Variants in ZNF713 observed in about 807,000 individuals in gnomAD.
ZNF713 encodes zinc finger protein 713.
A neutral mutation model predicts 28.7 loss-of-function variants in ZNF713; 21 were observed. The ratio of observed to expected loss-of-function variants is 0.73; its 90% CI spans 0.52 to 1.05. The LOEUF is 1.05. Among genes scored for constraint, ZNF713 ranks in the 50% least tolerant of loss-of-function variants. ZNF713 has a pLI of 0.00. For synonymous variants in ZNF713, 167 were observed against 178.0 expected, an observed-to-expected ratio of 0.94 and a Z score of 0.49; for missense variants, 458 against 532.4, an observed-to-expected ratio of 0.86 and a Z score of 1.37.
In ZNF713 at chr7:55,909,811, C is replaced by T. The variant is rs1481926161; in HGVS notation, c.-455-1805C>T. On this transcript the variant is annotated intron_variant, in intron 2 of 6. Coordinates refer to ENST00000429591, the MANE Select transcript of ZNF713 (RefSeq NM_182633.3). ...GTGTGGCTATTGTAAATGGGATTGC[C>T]TTTTGTAAATGGGAATGCTATTGTA... is the stretch of plus-strand genomic sequence containing the variant. 2.6e-5 allele frequency among the ~76,000 whole-genome samples: 4 copies of T among 151,916 alleles called. No individual in the cohort carries two copies. The South Asian group carries it at 8.3e-4, about 32-fold the overall frequency.
At position 55,887,874 on chromosome 7, in the gene ZNF713, CGGCGGCGGCGGCG is replaced by C. The variant is rs1785302325; in HGVS notation, c.-583+209_-583+221del. Among the ~76,000 whole-genome samples, 8 of 7,852 alleles carry C rather than the reference CGGCGGCGGCGGCG, an allele frequency of 1.0e-3. 2 individuals carry two copies. Among genetic ancestry groups the C allele is most frequent in the African/African-American group, 9.0e-3 (8 of 884 alleles). 5.2% of individuals were successfully genotyped at this position (7,852 alleles called of 152,430 possible). On this transcript the variant is annotated intron_variant, in intron 1 of 6. Coordinates refer to ENST00000429591, the MANE Select transcript of ZNF713 (RefSeq NM_182633.3). ...GGCGGCGGGCGGCGGGCGGCGGCGG[CGGCGGCGGCGGCG>C]GGCGGCGGCGGCGGCGGGAGGCGGC...
intron 1 of ZNF713, among the ~76,000 whole-genome samples, chr7:55,893,428 A>C (rs1785423247): frequency 6.6e-6 from 1 of 152,032 alleles, no homozygotes; most frequent in African/African-American, 2.4e-5. Flanking sequence ...GGGTAAGACC[A>C]CTCTAGAATG....
intron 2 of ZNF713, among the ~76,000 whole-genome samples, chr7:55,910,496 G>T (rs1434667985): frequency 6.6e-6 from 1 of 151,668 alleles, no homozygotes; most frequent in African/African-American, 2.4e-5. Flanking sequence ...GGGTTTTTTG[G>T]TTTTGTTTTT....
intron 6 of ZNF713, among the ~76,000 whole-genome samples, chr7:55,926,143 C>T (rs1786090604): frequency 1.3e-5 from 2 of 152,110 alleles, no homozygotes; most frequent in South Asian, 4.1e-4. Flanking sequence ...AACCCCATCT[C>T]TACTAAAAAT....
chr7:55,924,983 A>G (rs921361678), intron 6 of ZNF713: 36 of 152,212 alleles, frequency 2.4e-4, no homozygotes, highest in African/African-American at 8.2e-4. Context: ...TCTTCTTTAA[A>G]GCATTCCCTT....
chr7:55,890,443 CTGTCTCCAAAAAAAAAAA>C (rs1785361153), intron 1 of ZNF713, among the ~76,000 whole-genome samples: 1 of 97,388 alleles, frequency 1.0e-5, no homozygotes, highest in Non-Finnish European at 2.0e-5. Context: ...GAGCGAGACT[CTGTCTCCAAAAAAAAAAA>C]AAAAAAATGA....
At chr7:55,909,958 T>C (rs1562740255) in intron 2 of ZNF713, among the ~76,000 whole-genome samples, 1 of 151,402 alleles carries the variant, frequency 6.6e-6, no homozygotes, top group Non-Finnish European at 1.5e-5. Context: ...TATGTGTGTG[T>C]ATATATACGT....
At chr7:55,894,856 C>T (rs1484411834) in intron 1 of ZNF713, among the ~76,000 whole-genome samples, 2 of 151,978 alleles carry the variant, frequency 1.3e-5, no homozygotes, top group Non-Finnish European at 2.9e-5. Context: ...GTGAGATCTA[C>T]AATATTGTCA....
At chr7:55,900,246 G>T (rs2116184092) in intron 1 of ZNF713, among the ~76,000 whole-genome samples, 1 of 152,222 alleles carries the variant, frequency 6.6e-6, no homozygotes. Flanking sequence ...GAGGCAGGCG[G>T]ATCACGAGGT....
chr7:55,917,931 T>C, intron 4 of ZNF713: 1 of 418,348 alleles, frequency 2.4e-6, no homozygotes, highest in East Asian at 7.2e-5. Flanking sequence ...AAACAGACAC[T>C]CTTACACTGC....
intron 1 of ZNF713, among the ~76,000 whole-genome samples, chr7:55,904,784 T>G (rs544570835): frequency 2.0e-5 from 3 of 152,254 alleles, no homozygotes; most frequent in Non-Finnish European, 4.4e-5. Flanking sequence ...TGGAGTGCAG[T>G]GGCTTGATCT....
intron 6 of ZNF713, among the ~76,000 whole-genome samples, chr7:55,930,625 G>GGTGC (rs1786191902): frequency 6.6e-6 from 1 of 152,104 alleles, no homozygotes; most frequent in Admixed American, 6.6e-5. Context: ...TAAGCGTGGT[G>GGTGC]GTGCACACCT....
intron 6 of ZNF713, 54 bp from the exon 7 acceptor site, chr7:55,938,928 C>A: frequency 6.7e-7 from 1 of 1,492,734 alleles, no homozygotes; most frequent in Non-Finnish European, 9.0e-7. Context: ...TTTTTCAAAT[C>A]ATAGATAACA....
Position 55,939,278 on chromosome 7 carries a change from T to C in ZNF713, c.604T>C (p.Ser202Pro). The C allele has an allele frequency of 6.2e-7, 1 of 1,614,130 alleles. No homozygotes were observed. The highest frequency in any genetic ancestry group is 8.5e-7 in the Non-Finnish European group (1 of 1,180,014). The change falls in exon 7 of 7, where the codon TCC (serine) becomes CCC (proline). Residue 202 changes from serine (S) to proline (P), a missense_variant. Transcript: ENST00000429591. ...AAACCTTATGCAGCAGAGAATTCCT[T>C]CCATTAAAATACCCCTGAATTCTGA... Reference protein sequence around the residue: ...NSNLMQQRIPSIKIPLNSDTQ... With the variant: ...NSNLMQQRIPPIKIPLNSDTQ...
intron 4 of ZNF713, among the ~76,000 whole-genome samples, chr7:55,912,982 G>A (rs112003817): frequency 0.044 from 6,630 of 152,140 alleles, 168 homozygotes; most frequent in South Asian, 0.063. Context: ...ACAAAACAAT[G>A]GACTGTCTTT....
rs1411242967 is a variant in ZNF713, at chr7:55,942,099, A to T, written c.*2093A>T. On this transcript the variant is annotated 3_prime_UTR_variant, in exon 7 of 7. Transcript: ENST00000429591. ...ACCAGAGACTAAGAATTCCCATGCC[A>T]CCCCGTATCACTGTGGAAGATGGAG... 1 of 151,742 alleles carries T rather than the reference A, an allele frequency of 6.6e-6. No individual in the cohort carries two copies. The highest frequency in any genetic ancestry group is 2.4e-5 in the African/African-American group (1 of 41,290). 9.4% of individuals were successfully genotyped at this position (151,742 alleles called of 1,614,324 possible). A position where few individuals can be genotyped will look rare whatever the true frequency, so the allele number is the denominator to read the frequency against.
intron 4 of ZNF713, among the ~76,000 whole-genome samples, chr7:55,917,487 G>A (rs1785906008): frequency 6.6e-6 from 1 of 152,038 alleles, no homozygotes. Flanking sequence ...ATCACTTGAG[G>A]TCAGGAGTTT....
intron 6 of ZNF713, among the ~76,000 whole-genome samples, chr7:55,937,991 G>T (rs1176210819): frequency 2.0e-5 from 3 of 152,248 alleles, no homozygotes; most frequent in Middle Eastern, 3.4e-3. Flanking sequence ...ATCACCTGAG[G>T]TCAGGAGTTT....
intron 1 of ZNF713, among the ~76,000 whole-genome samples, chr7:55,888,098 G>A (rs376792901): frequency 6.6e-6 from 1 of 152,078 alleles, no homozygotes; most frequent in Admixed American, 6.5e-5. Flanking sequence ...TTTTGGGCAA[G>A]CGTCCATAGG....
Sources: gnomAD v4.1 joint callset for allele counts (sites outside exome capture counted in the v4.1 genomes callset) on GRCh38, gnomAD v4.1.1 for gene constraint, MANE v1.5 for transcripts, NCBI Gene and HGNC (gene_info 2026-07-23, HGNC 2026-07-21) for gene names.